The following FAM217B variants were observed in gnomAD, a reference collection of about 807,000 sequenced individuals.
FAM217B encodes the protein family with sequence similarity 217 member B.
For missense variants in FAM217B, 463 were observed against 456.9 expected, an observed-to-expected ratio of 1.01 and a Z score of -0.12; for synonymous variants, 163 against 173.0, an observed-to-expected ratio of 0.94 and a Z score of 0.45.
At chr20:59,939,751 C>T, upstream of FAM217B, 1 of 1,225,008 alleles carries the variant, frequency 8.2e-7, no homozygotes, top group Non-Finnish European at 1.0e-6. Flanking sequence ...AGGCGGGGGT[C>T]GCAGCCCGAC....
chr20:59,935,626 C>T (rs570828840), upstream of FAM217B, among the ~76,000 whole-genome samples: 3 of 152,258 alleles, frequency 2.0e-5, no homozygotes, highest in Non-Finnish European at 2.9e-5. Flanking sequence ...ATTAGCCAGG[C>T]GTGGTGGCAT....
rs1445518567 is a variant in FAM217B, at chr20:59,944,710, A to G, written c.767A>G (p.Glu256Gly). The change falls in exon 4 of 4, where the codon GAA (glutamate) becomes GGA (glycine). Residue 256 changes from glutamate to glycine, a missense_variant. Glu to Gly is a moderately conservative substitution (Grantham distance 98). Transcript: ENST00000360816. The stretch of plus-strand genomic sequence containing the variant: ...CGAAAGAAAGCTTTTCACCATGAAG[A>G]AATCCACCCATCACATTATGCATTT... ...PSRKKAFHHE[E>G]IHPSHYAFET... 6.8e-6 allele frequency: 11 copies of G among 1,614,060 alleles called. No individual in the cohort carries two copies. In the East Asian group the frequency reaches 8.9e-5, roughly 13 times the overall value.
upstream of FAM217B, chr20:59,938,970 A>C (rs902008790): frequency 7.0e-7 from 1 of 1,420,072 alleles, no homozygotes; most frequent in African/African-American, 1.4e-5. Flanking sequence ...AGAGCCCAGC[A>C]GGGAAATGAC....
At chr20:59,937,454 G>A (rs1300347085), upstream of FAM217B, 7 of 152,428 alleles carry the variant, frequency 4.6e-5, no homozygotes, top group African/African-American at 1.7e-4. Context: ...AGCTATCCTT[G>A]TTCTTTGAAT....
In FAM217B at chr20:59,944,282, A is replaced by G. The variant is rs766050239; in HGVS notation, c.339A>G (p.Pro113=). 1 of 1,614,040 alleles carries G rather than the reference A, an allele frequency of 6.2e-7. No homozygotes were observed. The highest frequency in any genetic ancestry group is 8.5e-7 in the Non-Finnish European group (1 of 1,180,032). The change falls in exon 4 of 4, where the codon CCA becomes CCG. Residue 113 remains proline (P), a synonymous_variant. Coordinates refer to ENST00000360816, the MANE Select transcript of FAM217B (RefSeq NM_022106.3). ...TTCCTCCTTCTCCCCTCACACCTCC[A>G]GATCTCAATCTTCGAGCTGAAGAAA... ...IPIPPSPLTP[P]DLNLRAEEID...
intron 1 of FAM217B, among the ~76,000 whole-genome samples, chr20:59,935,250 C>T (rs73131314): frequency 6.6e-5 from 10 of 152,268 alleles, no homozygotes; most frequent in Non-Finnish European, 1.5e-4. Context: ...TTTCCTAATA[C>T]ACTTCAAAAA....
upstream of FAM217B, chr20:59,939,586 C>A: frequency 6.2e-7 from 1 of 1,608,006 alleles, no homozygotes; most frequent in Non-Finnish European, 8.5e-7. Context: ...AACACCTTGA[C>A]CTGTGCCAGC....
intron 1 of FAM217B, among the ~76,000 whole-genome samples, chr20:59,941,849 T>C (rs538515977): frequency 4.1e-4 from 63 of 152,322 alleles, no homozygotes; most frequent in African/African-American, 1.4e-3. Flanking sequence ...CCTGACCTTA[T>C]TTAGCCTTCC....
Position 59,944,751 on chromosome 20 carries a change from C to T in FAM217B, c.808C>T (p.Pro270Ser), listed in dbSNP as rs150062090. Residue 270 changes from proline to serine, a missense_variant, in exon 4 of 4, where the codon CCC (proline) becomes TCC (serine). Coordinates refer to ENST00000360816, the MANE Select transcript of FAM217B (RefSeq NM_022106.3). ...TTATGCATTTGAGACTTCCCCTAGA[C>T]CCATTGATGTGCTTGGTGGTACCAG... ...SHYAFETSPR[P>S]IDVLGGTRFC... 11 of 1,614,190 alleles carry T rather than the reference C, an allele frequency of 6.8e-6. No individual in the cohort carries two copies. In the African/African-American group the frequency reaches 8.0e-5, roughly 12 times the overall value.
At chr20:59,940,211 T>G, upstream of FAM217B, 1 of 326,680 alleles carries the variant, frequency 3.1e-6, no homozygotes, top group Non-Finnish European at 5.8e-6. Flanking sequence ...AGCGCCTCTT[T>G]TTTCTTCTTG....
chr20:59,936,544 C>T (rs2060863410), upstream of FAM217B: 3 of 152,246 alleles, frequency 2.0e-5, no homozygotes. Flanking sequence ...AAGAGAAGTA[C>T]ATTAATGATC....
At chr20:59,939,418 G>A (rs1232814370), upstream of FAM217B, 3 of 1,611,082 alleles carry the variant, frequency 1.9e-6, no homozygotes, top group African/African-American at 1.3e-5. Flanking sequence ...TGCCGCTGCA[G>A]GCGCTCGCCA....
chr20:59,934,351 C>T (rs1245495926), intron 1 of FAM217B, among the ~76,000 whole-genome samples: 1 of 152,202 alleles, frequency 6.6e-6, no homozygotes, highest in African/African-American at 2.4e-5. Flanking sequence ...TGTAAAAAAT[C>T]GCAGGCCCTT....
upstream of FAM217B, chr20:59,939,792 G>A: frequency 8.1e-7 from 1 of 1,227,710 alleles, no homozygotes. Flanking sequence ...CGCGCGGCCC[G>A]GGCTCCCAGG....
At chr20:59,940,813 C>T (rs566829284) in intron 1 of FAM217B, among the ~76,000 whole-genome samples, 8 of 152,306 alleles carry the variant, frequency 5.3e-5, no homozygotes, top group East Asian at 1.9e-4. Flanking sequence ...AGCGTCATGT[C>T]CACATCACCC....
Position 59,947,128 on chromosome 20 carries a change from G to A in FAM217B, c.*2033G>A, listed in dbSNP as rs2060941724. ...ATGTATCCATGTGCATGCTCTTAGA[G>A]ACCTTGAATGGTTGAGGGTAAAGTG... On this transcript the variant is annotated 3_prime_UTR_variant, in exon 4 of 4. Transcript: ENST00000360816. The A allele has an allele frequency of 6.0e-6, 1 of 167,122 alleles. No homozygotes were observed. The highest frequency in any genetic ancestry group is 2.1e-4 in the South Asian group (1 of 4,834). The allele number at this position is 167,122 out of a possible 1,614,324, so 10.4% of individuals were successfully genotyped here. A position where few individuals can be genotyped will look rare whatever the true frequency, so the allele number is the denominator to read the frequency against.
In FAM217B at chr20:59,942,419, G is replaced by A. The variant is rs1229343640; in HGVS notation, c.-90-8G>A. The A allele has an allele frequency of 6.6e-6, 1 of 152,006 alleles. No homozygotes were observed. Among genetic ancestry groups the A allele is most frequent in the African/African-American group, 2.4e-5 (1 of 41,384 alleles). 9.4% of individuals were successfully genotyped at this position (152,006 alleles called of 1,614,324 possible). A position where few individuals can be genotyped will look rare whatever the true frequency, so the allele number is the denominator to read the frequency against. ...TCACAGTGTTTATTACTGCATCCCT[G>A]TTTTTAGACAGTCCATCAAACCCGA... On this transcript the variant is annotated splice_polypyrimidine_tract_variant and splice_region_variant and intron_variant, in intron 2 of 3. Coordinates refer to ENST00000360816, the MANE Select transcript of FAM217B (RefSeq NM_022106.3).
upstream of FAM217B, chr20:59,939,181 AG>A (rs777164500): frequency 1.2e-6 from 2 of 1,608,982 alleles, no homozygotes; most frequent in Admixed American, 3.3e-5. Flanking sequence ...TGCACGCGGG[AG>A]CCGAGCTCCA....
rs977978346 is a variant in FAM217B at position 59,946,532 on chromosome 20, T to TA, written c.*1443dup. 1.2e-5 allele frequency: 2 copies of TA among 167,058 alleles called. No individual in the cohort carries two copies. Among genetic ancestry groups the TA allele is most frequent in the East Asian group, 3.8e-4 (2 of 5,208 alleles). The allele number at this position is 167,058 out of a possible 1,614,324, so 10.3% of individuals were successfully genotyped here. On this transcript the variant is annotated 3_prime_UTR_variant, in exon 4 of 4. Transcript: ENST00000360816. ...AGCTCTAATTATACGTATATAATTA[T>TA]AAAAAACAATGTGCAAGGGTTATAT...
Sources: allele counts gnomAD v4.1 joint callset (sites outside exome capture counted in the v4.1 genomes callset), GRCh38; gene constraint gnomAD v4.1.1; transcripts MANE v1.5; gene names NCBI Gene and HGNC (gene_info 2026-07-23, HGNC 2026-07-21).